Variants in GLIS1 observed in about 807,000 individuals in gnomAD.
GLIS1 encodes the protein zinc finger protein GLIS1.
GLIS1 carries 24 observed loss-of-function variants against 63.8 expected under a neutral mutation model. The ratio of observed to expected loss-of-function variants is 0.38; its 90% CI spans 0.27 to 0.53. The LOEUF (loss-of-function observed/expected upper bound fraction) is 0.53, where lower values mean the gene tolerates loss of function less well. Ranked by LOEUF, GLIS1 falls within the 20% of genes least tolerant of loss-of-function variation. GLIS1 has a pLI of 0.85. For synonymous variants in GLIS1, 450 were observed against 482.5 expected, an observed-to-expected ratio of 0.93 and a Z score of 0.88; for missense variants, 1,036 against 1,074.1, an observed-to-expected ratio of 0.96 and a Z score of 0.50.
At chr1:53,662,606 TA>T (rs1646041176) in intron 2 of GLIS1, among the ~76,000 whole-genome samples, 2 of 152,134 alleles carry the variant, frequency 1.3e-5, no homozygotes, top group South Asian at 2.1e-4. Context: ...TGGAGGCAGC[TA>T]CAGGGGGCAG....
At position 53,737,969 on chromosome 1, in the gene GLIS1, C is replaced by T. The variant is rs1050473748; in HGVS notation, c.96G>A (p.Ala32=). ...TCACGGTGACCCTGAAGGCCATGTG[C>T]GCGCCGAGGCTGGCGGGGCCGCGGT... is the stretch of plus-strand genomic sequence containing the variant. ...GPDRGPASLG[A]HMAFRVTVSG... Residue 32 remains alanine, a synonymous_variant, in exon 2 of 11, where the codon GCG becomes GCA. Transcript: ENST00000628545. 1 of 1,230,248 alleles carries T rather than the reference C, an allele frequency of 8.1e-7. No individual in the cohort carries two copies. The highest frequency in any genetic ancestry group is 1.6e-5 in the African/African-American group (1 of 64,444). The allele number at this position is 1,230,248 out of a possible 1,614,324, so 76.2% of individuals were successfully genotyped here.
intron 2 of GLIS1, among the ~76,000 whole-genome samples, chr1:53,731,318 G>C (rs1038502152): frequency 1.3e-5 from 2 of 152,176 alleles, no homozygotes; most frequent in Non-Finnish European, 2.9e-5. Context: ...AGTGCCCTAC[G>C]GAGGCAGAGT....
intron 10 of GLIS1, among the ~76,000 whole-genome samples, chr1:53,507,373 G>A (rs1210723877): frequency 6.6e-6 from 1 of 152,184 alleles, no homozygotes; most frequent in Non-Finnish European, 1.5e-5. Flanking sequence ...GTAAGGGGTG[G>A]AGCTGGGATT....
chr1:53,678,098 C>T (rs930206116), intron 2 of GLIS1, among the ~76,000 whole-genome samples: 3 of 152,076 alleles, frequency 2.0e-5, no homozygotes, highest in East Asian at 1.9e-4. Context: ...GTGGATGGCC[C>T]GAGGTCTGTT....
intron 2 of GLIS1, among the ~76,000 whole-genome samples, chr1:53,654,021 C>T (rs1645937228): frequency 2.0e-5 from 3 of 149,980 alleles, no homozygotes; most frequent in Non-Finnish European, 4.5e-5. Context: ...GGGGCAGACA[C>T]AGGAGGCTGT....
At chr1:53,590,026 T>C (rs1292060506) in intron 4 of GLIS1, among the ~76,000 whole-genome samples, 1 of 152,232 alleles carries the variant, frequency 6.6e-6, no homozygotes, top group African/African-American at 2.4e-5. Context: ...ACCCATTGAC[T>C]GGCTCTTTTG....
At chr1:53,661,760 G>A (rs944704910) in intron 2 of GLIS1, among the ~76,000 whole-genome samples, 9 of 152,264 alleles carry the variant, frequency 5.9e-5, no homozygotes, top group East Asian at 1.9e-4. Context: ...TGTGCCTACC[G>A]CACGGCAAGT....
At chr1:53,575,107 C>CAGGAAAGT (rs1168911052) in intron 4 of GLIS1, among the ~76,000 whole-genome samples, 7 of 152,198 alleles carry the variant, frequency 4.6e-5, no homozygotes, top group Non-Finnish European at 1.5e-5. Flanking sequence ...TGGGAAATGG[C>CAGGAAAGT]AACTAAAGAT....
chr1:53,549,095 GC>G (rs1557444296), intron 4 of GLIS1, among the ~76,000 whole-genome samples: 1 of 152,166 alleles, frequency 6.6e-6, no homozygotes, highest in Non-Finnish European at 1.5e-5. Flanking sequence ...GCTCATCCAT[GC>G]TGTCACATGT....
chr1:53,734,482 G>C (rs757830802), intron 2 of GLIS1, among the ~76,000 whole-genome samples: 1 of 152,206 alleles, frequency 6.6e-6, no homozygotes, highest in Non-Finnish European at 1.5e-5. Context: ...TGTGGAACCA[G>C]AATCAAATAT....
At chr1:53,710,009 A>C (rs1360614582) in intron 2 of GLIS1, among the ~76,000 whole-genome samples, 1 of 152,090 alleles carries the variant, frequency 6.6e-6, no homozygotes, top group Non-Finnish European at 1.5e-5. Context: ...GTCACCAGAG[A>C]CCTTTGCCCA....
intron 4 of GLIS1, among the ~76,000 whole-genome samples, chr1:53,543,526 CT>C (rs1027341964): frequency 8.5e-5 from 13 of 152,166 alleles, no homozygotes; most frequent in Non-Finnish European, 7.3e-5. Flanking sequence ...CCCCTGGCCC[CT>C]GTGCTTATGT....
chr1:53,582,974 T>C (rs1162269998), intron 4 of GLIS1, among the ~76,000 whole-genome samples: 1 of 152,220 alleles, frequency 6.6e-6, no homozygotes, highest in Admixed American at 6.5e-5. Context: ...GGCCAGACTC[T>C]CTTAAGCTCC....
intron 2 of GLIS1, among the ~76,000 whole-genome samples, chr1:53,681,667 T>C (rs3006880): frequency 0.97 from 147,578 of 152,284 alleles, 71,675 homozygotes; most frequent in Middle Eastern, 1. Flanking sequence ...TAAGGAGAGG[T>C]AGGAAAAGGG....
intron 2 of GLIS1, among the ~76,000 whole-genome samples, chr1:53,680,313 A>C (rs569919241): frequency 4.6e-5 from 7 of 152,350 alleles, no homozygotes; most frequent in Middle Eastern, 6.8e-3. Flanking sequence ...ACGATTAAGA[A>C]AATGTACTTC....
chr1:53,520,564 G>T, intron 7 of GLIS1, 70 bp downstream of exon 7: 22 of 1,490,150 alleles, frequency 1.5e-5, no homozygotes, highest in Non-Finnish European at 2.0e-5. Context: ...AGCATCACTT[G>T]TCCTTGACTG....
intron 2 of GLIS1, among the ~76,000 whole-genome samples, chr1:53,724,552 C>T (rs1210040371): frequency 1.3e-5 from 2 of 152,220 alleles, no homozygotes; most frequent in South Asian, 2.1e-4. Flanking sequence ...TAGGGTCTTG[C>T]TCTGTCACCC....
chr1:53,680,919 A>T (rs1646268282), intron 2 of GLIS1, among the ~76,000 whole-genome samples: 2 of 152,320 alleles, frequency 1.3e-5, no homozygotes, highest in Admixed American at 1.3e-4. Flanking sequence ...CCCAAGGTGA[A>T]CTTCTCCACA....
chr1:53,575,340 C>T (rs1484047822), intron 4 of GLIS1, among the ~76,000 whole-genome samples: 3 of 152,178 alleles, frequency 2.0e-5, no homozygotes, highest in African/African-American at 7.2e-5. Context: ...AGTCTGACAT[C>T]TACAGTCCCC....
Sources: gnomAD v4.1 joint callset for allele counts (sites outside exome capture counted in the v4.1 genomes callset) on GRCh38, gnomAD v4.1.1 for gene constraint, MANE v1.5 for transcripts, NCBI Gene and HGNC (gene_info 2026-07-23, HGNC 2026-07-21) for gene names.